DEPTOR: variants seen among roughly 807,000 people sequenced by gnomAD.
The protein encoded by DEPTOR is DEP domain-containing mTOR-interacting protein.
A neutral mutation model predicts 41.6 loss-of-function variants in DEPTOR; 41 were observed. The observed-to-expected ratio is 0.98, with a 90% CI of 0.77 to 1.28. The LOEUF is 1.28. Among genes scored for constraint, DEPTOR ranks in the 50% most tolerant of loss-of-function variants. The pLI, the probability that DEPTOR is intolerant of heterozygous loss-of-function variation, is 0.00. For synonymous variants in DEPTOR, 195 were observed against 192.3 expected, an observed-to-expected ratio of 1.01 and a Z score of -0.12; for missense variants, 514 against 527.9, an observed-to-expected ratio of 0.97 and a Z score of 0.26.
At chr8:119,977,722 C>A (rs990173832) in intron 4 of DEPTOR, among the ~76,000 whole-genome samples, 4 of 152,100 alleles carry the variant, frequency 2.6e-5, no homozygotes, top group Admixed American at 1.3e-4. Context: ...CGGCATCAAG[C>A]CTTAACTTTT....
intron 1 of DEPTOR, among the ~76,000 whole-genome samples, chr8:119,881,133 GGCTTACTA>G (rs1286333043): frequency 2.0e-5 from 3 of 152,188 alleles, no homozygotes; most frequent in African/African-American, 7.2e-5. Context: ...GGCTCTTACA[GGCTTACTA>G]TTGTCTTTTT....
At chr8:119,907,475 T>C (rs1223136485) in intron 1 of DEPTOR, among the ~76,000 whole-genome samples, 1 of 152,006 alleles carries the variant, frequency 6.6e-6, no homozygotes, top group African/African-American at 2.4e-5. Context: ...AATCAAGAAA[T>C]AGAAAGAAAT....
At chr8:119,995,479 G>A (rs957588770) in intron 4 of DEPTOR, among the ~76,000 whole-genome samples, 5 of 151,722 alleles carry the variant, frequency 3.3e-5, no homozygotes, top group Non-Finnish European at 5.9e-5. Context: ...CCAGCTACTT[G>A]GGGGACTAAG....
chr8:119,964,371 C>T (rs1025658327), intron 3 of DEPTOR, among the ~76,000 whole-genome samples: 9 of 151,788 alleles, frequency 5.9e-5, no homozygotes, highest in Admixed American at 3.3e-4. Flanking sequence ...AAAAATTAGC[C>T]GGGTGTAGTG....
chr8:120,013,362 T>A (rs1011915624), intron 8 of DEPTOR, among the ~76,000 whole-genome samples: 1 of 152,222 alleles, frequency 6.6e-6, no homozygotes, highest in Non-Finnish European at 1.5e-5. Context: ...TTGTACATTA[T>A]TTTCTTACCG....
At chr8:119,887,487 C>T (rs1335212414) in intron 1 of DEPTOR, among the ~76,000 whole-genome samples, 1 of 72,376 alleles carries the variant, frequency 1.4e-5, no homozygotes. Context: ...CCCTCCCTTC[C>T]CCTTCCCTTC....
At chr8:120,040,324 C>T (rs968106260) in intron 8 of DEPTOR, among the ~76,000 whole-genome samples, 2 of 152,010 alleles carry the variant, frequency 1.3e-5, no homozygotes, top group South Asian at 4.2e-4. Context: ...CGCCTGTAAT[C>T]CCAGCACTTT....
chr8:120,046,904 A>G (rs985432692), intron 8 of DEPTOR, among the ~76,000 whole-genome samples: 9 of 152,224 alleles, frequency 5.9e-5, no homozygotes, highest in African/African-American at 2.2e-4. Flanking sequence ...GACTGTGGCA[A>G]ATGAGTGTCC....
intron 3 of DEPTOR, among the ~76,000 whole-genome samples, chr8:119,935,529 T>C (rs1334964995): frequency 6.6e-6 from 1 of 152,098 alleles, no homozygotes; most frequent in Non-Finnish European, 1.5e-5. Context: ...AAGACCAGCC[T>C]GGCCAACAGG....
chr8:119,902,126 A>C (rs995620881), intron 1 of DEPTOR, among the ~76,000 whole-genome samples: 1 of 152,152 alleles, frequency 6.6e-6, no homozygotes, highest in Admixed American at 6.5e-5. Context: ...GATTATGTTG[A>C]TTCCCAATTT....
intron 1 of DEPTOR, among the ~76,000 whole-genome samples, chr8:119,879,182 T>G (rs1259853803): frequency 2.6e-5 from 4 of 151,858 alleles, no homozygotes; most frequent in African/African-American, 9.7e-5. Context: ...CAGTCACAAG[T>G]GTTTGTGAGG....
chr8:119,923,893 C>CTTTTTTTTTTTTTT (rs769960283), intron 1 of DEPTOR, among the ~76,000 whole-genome samples: 1 of 104,980 alleles, frequency 9.5e-6, no homozygotes. Flanking sequence ...TTTTTTCTTT[C>CTTTTTTTTTTTTTT]TTTTTTTTTT....
chr8:119,994,612 C>T (rs1306946047), intron 4 of DEPTOR, among the ~76,000 whole-genome samples: 1 of 151,996 alleles, frequency 6.6e-6, no homozygotes, highest in South Asian at 2.1e-4. Context: ...CGGAGAAGGG[C>T]AATGTGTTCT....
chr8:120,006,765 T>C, intron 6 of DEPTOR, 40 bp from the exon 7 acceptor site: 1 of 1,590,272 alleles, frequency 6.3e-7, no homozygotes, highest in Non-Finnish European at 8.6e-7. Context: ...GATAGAGGAC[T>C]TGGAAGTGCT....
At chr8:119,904,272 C>T (rs1019522349) in intron 1 of DEPTOR, among the ~76,000 whole-genome samples, 1 of 151,948 alleles carries the variant, frequency 6.6e-6, no homozygotes, top group African/African-American at 2.4e-5. Flanking sequence ...GTGCCTGCCA[C>T]CACGCCCAGC....
In DEPTOR at chr8:119,933,453, GACACACACACAC is replaced by G. The variant is rs35420959; in HGVS notation, c.425+3551_425+3562del. Among the ~76,000 whole-genome samples, 340 of 124,558 alleles carry G rather than the reference GACACACACACAC, an allele frequency of 2.7e-3. 2 individuals are homozygous for G. Among genetic ancestry groups the G allele is most frequent in the African/African-American group, 6.2e-3 (205 of 32,824 alleles). 81.7% of individuals were successfully genotyped at this position (124,558 alleles called of 152,430 possible). A position where few individuals can be genotyped will look rare whatever the true frequency, so the allele number is the denominator to read the frequency against. Reference sequence around the variant, plus strand: ...GCCCCCTTTCTTTGAGACAGAGCAAGACACACACACACACACACACACACACACACACACACA... The same window carrying G: ...GCCCCCTTTCTTTGAGACAGAGCAAGACACACACACACACACACACACACA... On this transcript the variant is annotated intron_variant, in intron 3 of 8. Transcript: ENST00000286234.
At chr8:119,877,905 T>G (rs1329020529) in intron 1 of DEPTOR, among the ~76,000 whole-genome samples, 1 of 152,122 alleles carries the variant, frequency 6.6e-6, no homozygotes, top group African/African-American at 2.4e-5. Flanking sequence ...GGGGGCTGGC[T>G]CCACAATCCT....
At chr8:119,889,429 C>T (rs540507034) in intron 1 of DEPTOR, among the ~76,000 whole-genome samples, 1 of 151,198 alleles carries the variant, frequency 6.6e-6, no homozygotes, top group Non-Finnish European at 1.5e-5. Flanking sequence ...TACCTGTGAT[C>T]TGAGCTACTT....
At chr8:119,900,797 C>T (rs1378078496) in intron 1 of DEPTOR, among the ~76,000 whole-genome samples, 1 of 151,996 alleles carries the variant, frequency 6.6e-6, no homozygotes, top group Admixed American at 6.6e-5. Flanking sequence ...TATAGAATAA[C>T]CATCTTATCC....
Sources: gnomAD v4.1 joint callset for allele counts (sites outside exome capture counted in the v4.1 genomes callset) on GRCh38, gnomAD v4.1.1 for gene constraint, MANE v1.5 for transcripts, NCBI Gene and HGNC (gene_info 2026-07-23, HGNC 2026-07-21) for gene names.